IQGAP2: variants seen among roughly 807,000 people sequenced by gnomAD.
The protein encoded by IQGAP2 is ras GTPase-activating-like protein IQGAP2.
Under a neutral mutation model 201.3 loss-of-function variants are expected in IQGAP2, and 173 were observed. The observed-to-expected ratio is 0.86, with a 90% confidence interval of 0.76 to 0.98. The LOEUF (loss-of-function observed/expected upper bound fraction) is 0.98, where lower values mean the gene tolerates loss of function less well. IQGAP2 is among the 50% of genes least tolerant of loss of function. The pLI is 0.00. For synonymous variants in IQGAP2, 675 were observed against 673.9 expected (o/e 1.00, Z -0.03); for missense variants, 1,687 against 1,864.8 (o/e 0.90, Z 1.76).
chr5:76,503,880 A>G (rs149013521), intron 2 of IQGAP2, among the ~76,000 whole-genome samples: 2,248 of 152,310 alleles, frequency 0.015, 66 homozygotes, highest in African/African-American at 0.052. Context: ...GGTGTGAGCC[A>G]CCGCACCTGA....
At position 76,701,242 on chromosome 5, in the gene IQGAP2, C is replaced by T. The variant is rs111585210; in HGVS notation, c.4505+29C>T. 1.9e-3 allele frequency: 3,043 copies of T among 1,609,100 alleles called. 46 individuals are homozygous for T. In the African/African-American group the frequency reaches 0.032, roughly 17 times the overall value. ...AGTGTGACCTGGAATCTGCATAGAA[C>T]ACGCATGCCATTTGATTTCTTGTGG... On this transcript the variant is annotated intron_variant, in intron 34 of 35. Transcript: ENST00000274364.
At chr5:76,696,749 G>A (rs1367446015) in intron 32 of IQGAP2, among the ~76,000 whole-genome samples, 1 of 151,944 alleles carries the variant, frequency 6.6e-6, no homozygotes, top group African/African-American at 2.4e-5. Context: ...TTTCTATTTG[G>A]GAATATGGGG....
intron 2 of IQGAP2, among the ~76,000 whole-genome samples, chr5:76,517,376 C>G (rs1229521378): frequency 6.6e-6 from 1 of 152,086 alleles, no homozygotes; most frequent in Non-Finnish European, 1.5e-5. Flanking sequence ...GCATTCAACT[C>G]TTCAATTCAT....
At chr5:76,451,820 C>T (rs971631640) in intron 1 of IQGAP2, among the ~76,000 whole-genome samples, 4 of 152,270 alleles carry the variant, frequency 2.6e-5, no homozygotes, top group Admixed American at 6.5e-5. Context: ...AGATCACTTG[C>T]GGCCAGGAGT....
At chr5:76,679,090 A>G (rs577576674) in intron 28 of IQGAP2, among the ~76,000 whole-genome samples, 1 of 152,278 alleles carries the variant, frequency 6.6e-6, no homozygotes, top group East Asian at 1.9e-4. Flanking sequence ...GCAATGACCC[A>G]TTTGTCTGTT....
intron 2 of IQGAP2, among the ~76,000 whole-genome samples, chr5:76,514,916 G>C (rs1401661890): frequency 6.6e-6 from 1 of 152,158 alleles, no homozygotes; most frequent in East Asian, 1.9e-4. Context: ...TCTATCCAGA[G>C]CTCTGCTATT....
At chr5:76,442,024 G>A (rs1753071712) in intron 1 of IQGAP2, among the ~76,000 whole-genome samples, 1 of 152,156 alleles carries the variant, frequency 6.6e-6, no homozygotes, top group South Asian at 2.1e-4. Flanking sequence ...GGAAAGAAAG[G>A]AACTGGCAAG....
At chr5:76,700,551 A>G (rs547153358) in intron 33 of IQGAP2, among the ~76,000 whole-genome samples, 30 of 152,332 alleles carry the variant, frequency 2.0e-4, no homozygotes, top group Admixed American at 5.2e-4. Flanking sequence ...TACCAGACTC[A>G]CAAGTATGGT....
intron 2 of IQGAP2, among the ~76,000 whole-genome samples, chr5:76,472,376 A>G (rs1755161617): frequency 1.3e-5 from 2 of 152,050 alleles, no homozygotes. Context: ...GGCCTCAGAG[A>G]GGTGTTGGTG....
chr5:76,594,128 C>T (rs1447067076), intron 9 of IQGAP2, among the ~76,000 whole-genome samples: 1 of 152,124 alleles, frequency 6.6e-6, no homozygotes, highest in Admixed American at 6.5e-5. Context: ...AAATCTTGAA[C>T]ATGTTACTGA....
chr5:76,626,942 G>A (rs1342187276), intron 13 of IQGAP2, among the ~76,000 whole-genome samples: 2 of 152,208 alleles, frequency 1.3e-5, no homozygotes, highest in Non-Finnish European at 2.9e-5. Flanking sequence ...AAACGGGTGT[G>A]AGGTGCAGCC....
intron 23 of IQGAP2, among the ~76,000 whole-genome samples, chr5:76,670,485 G>T (rs1431718092): frequency 6.6e-6 from 1 of 152,192 alleles, no homozygotes; most frequent in Admixed American, 6.5e-5. Context: ...CTGCACTCCA[G>T]CCTGGGCGAC....
At chr5:76,682,409 G>A (rs538629454) in intron 28 of IQGAP2, among the ~76,000 whole-genome samples, 5 of 151,630 alleles carry the variant, frequency 3.3e-5, no homozygotes, top group South Asian at 2.1e-4. Flanking sequence ...CAGATGTGTC[G>A]CTGTTCATGT....
intron 5 of IQGAP2, among the ~76,000 whole-genome samples, chr5:76,585,123 CAA>C (rs1187062335): frequency 6.6e-6 from 1 of 152,118 alleles, no homozygotes; most frequent in East Asian, 1.9e-4. Flanking sequence ...TAAATTATCT[CAA>C]TATTCCACAG....
At chr5:76,449,839 G>A (rs774867315) in intron 1 of IQGAP2, among the ~76,000 whole-genome samples, 33 of 152,294 alleles carry the variant, frequency 2.2e-4, no homozygotes, top group Non-Finnish European at 3.4e-4. Context: ...TTTACATACA[G>A]TACCACGATC....
chr5:76,625,031 T>TG (rs1750096302), intron 13 of IQGAP2, among the ~76,000 whole-genome samples: 1 of 152,100 alleles, frequency 6.6e-6, no homozygotes. Context: ...CAAGCCTGGG[T>TG]GACAGAGCAA....
chr5:76,593,694 A>C (rs766489419), intron 9 of IQGAP2, among the ~76,000 whole-genome samples: 5 of 152,186 alleles, frequency 3.3e-5, no homozygotes, highest in Non-Finnish European at 5.9e-5. Context: ...ATCCATATAT[A>C]CCCAAAAAAC....
intron 28 of IQGAP2, among the ~76,000 whole-genome samples, chr5:76,680,945 A>G (rs1745227633): frequency 6.6e-6 from 1 of 151,892 alleles, no homozygotes; most frequent in South Asian, 2.1e-4. Flanking sequence ...TCTTTATTTA[A>G]AAATACAAAA....
At chr5:76,689,811 A>G (rs1161854452) in intron 30 of IQGAP2, among the ~76,000 whole-genome samples, 1 of 152,202 alleles carries the variant, frequency 6.6e-6, no homozygotes, top group Non-Finnish European at 1.5e-5. Context: ...TAGTTTCCAC[A>G]AACACTGATT....
Sources: gnomAD v4.1 joint callset for allele counts (sites outside exome capture counted in the v4.1 genomes callset) on GRCh38, gnomAD v4.1.1 for gene constraint, MANE v1.5 for transcripts, NCBI Gene and HGNC (gene_info 2026-07-23, HGNC 2026-07-21) for gene names.